PPP2R1A: variants seen among roughly 807,000 people sequenced by gnomAD.
PPP2R1A encodes serine/threonine-protein phosphatase 2A 65 kDa regulatory subunit A alpha isoform.
Under a neutral mutation model 67.1 loss-of-function variants are expected in PPP2R1A, and 15 were observed. The observed-to-expected ratio is 0.22, with a 90% CI of 0.15 to 0.34. The LOEUF is 0.34. Among genes scored for constraint, PPP2R1A ranks in the 10% least tolerant of loss-of-function variants. The pLI is 1.00. For missense variants in PPP2R1A, 369 were observed against 775.0 expected (o/e 0.48, Z 6.22); for synonymous variants, 337 against 325.0 (o/e 1.04, Z -0.40).
intron 1 of PPP2R1A, among the ~76,000 whole-genome samples, chr19:52,194,763 GATA>G (rs1396801815): frequency 6.6e-6 from 1 of 152,148 alleles, no homozygotes; most frequent in Non-Finnish European, 1.5e-5. Flanking sequence ...GCAAAATGGG[GATA>G]ATGATGAAGA....
chr19:52,226,559 C>G lies in PPP2R1A; in HGVS notation c.*578C>G. 5.0e-6 allele frequency: 1 copy of G among 199,542 alleles called. No homozygotes were observed. Among genetic ancestry groups the G allele is most frequent in the Non-Finnish European group, 1.0e-5 (1 of 96,782 alleles). 12.4% of individuals were successfully genotyped at this position (199,542 alleles called of 1,614,324 possible). On this transcript the variant is annotated 3_prime_UTR_variant, in exon 15 of 15. Coordinates refer to ENST00000322088, the MANE Select transcript of PPP2R1A (RefSeq NM_014225.6). ...CCCGAAAGAATACTCTGGGGATCCC[C>G]CCAGGAGTGCTGCTGGCCTTTGGGG... is the stretch of plus-strand genomic sequence containing the variant.
intron 13 of PPP2R1A, among the ~76,000 whole-genome samples, chr19:52,223,819 T>C (rs749865100): frequency 2.0e-5 from 3 of 152,164 alleles, no homozygotes; most frequent in African/African-American, 2.4e-5. Context: ...GAGTGGAATT[T>C]GGTGAAGCTT....
chr19:52,218,645 T>C (rs1056544865), intron 9 of PPP2R1A, among the ~76,000 whole-genome samples: 1 of 152,216 alleles, frequency 6.6e-6, no homozygotes, highest in Non-Finnish European at 1.5e-5. Flanking sequence ...TTTGATGCTT[T>C]AATGGGCATA....
In PPP2R1A at chr19:52,213,488, A is replaced by T. The variant is rs75257879; in HGVS notation, c.807+378A>T. ...TTTTTTTTTTTTTTTTTTTTTTTTT[A>T]AGATGGAGTCTGTCGCCCAGGCTAG... On this transcript the variant is annotated intron_variant, in intron 6 of 14. Coordinates refer to ENST00000322088, the MANE Select transcript of PPP2R1A (RefSeq NM_014225.6). This position sits in a 1 kb window ranked among gnomAD's most constrained non-coding sequence, Gnocchi z 4.2. 0.015 allele frequency among the ~76,000 whole-genome samples: 366 copies of T among 25,004 alleles called. 9 individuals are homozygous for T. Among genetic ancestry groups the T allele is most frequent in the Middle Eastern group, 0.048 (2 of 42 alleles). The allele number at this position is 25,004 out of a possible 152,430, so 16.4% of individuals were successfully genotyped here.
intron 13 of PPP2R1A, 114 bp downstream of exon 13, chr19:52,222,355 T>C (rs1417071902): frequency 2.8e-6 from 4 of 1,412,364 alleles, no homozygotes; most frequent in African/African-American, 1.4e-5. Context: ...CCTTGCTTGC[T>C]GTGTGACCTT....
chr19:52,195,193 G>A (rs987592549), intron 1 of PPP2R1A, among the ~76,000 whole-genome samples: 1 of 152,150 alleles, frequency 6.6e-6, no homozygotes, highest in African/African-American at 2.4e-5. Flanking sequence ...GGTGCATATA[G>A]TGGGAAGGCG....
chr19:52,197,994 C>A (rs1471643994), intron 1 of PPP2R1A, among the ~76,000 whole-genome samples: 1 of 152,232 alleles, frequency 6.6e-6, no homozygotes, highest in Non-Finnish European at 1.5e-5. Context: ...CGATGTCCTT[C>A]TTAATAATCT....
At chr19:52,191,302 C>T (rs1339175977) in intron 1 of PPP2R1A, 1 of 152,276 alleles carries the variant, frequency 6.6e-6, no homozygotes, top group African/African-American at 2.4e-5. Context: ...CTTTGGGTCT[C>T]TGTGTTCCAT....
At chr19:52,190,701 C>G (rs181457337) in intron 1 of PPP2R1A, among the ~76,000 whole-genome samples, 142 of 152,250 alleles carry the variant, frequency 9.3e-4, no homozygotes, top group African/African-American at 3.2e-3. Context: ...GTTTAGGTGT[C>G]CTAAGAGGAC....
At chr19:52,194,563 G>C (rs1425842724) in intron 1 of PPP2R1A, among the ~76,000 whole-genome samples, 1 of 152,124 alleles carries the variant, frequency 6.6e-6, no homozygotes, top group African/African-American at 2.4e-5. Flanking sequence ...CCCAGGACCA[G>C]TGTTAGCATG....
intron 3 of PPP2R1A, among the ~76,000 whole-genome samples, chr19:52,208,503 T>C (rs910686976): frequency 1.3e-5 from 2 of 151,462 alleles, no homozygotes; most frequent in Non-Finnish European, 1.5e-5. Context: ...GCTCTTTTTA[T>C]TTTTATTTTT....
chr19:52,217,930 A>G (rs1978682186), intron 9 of PPP2R1A, among the ~76,000 whole-genome samples: 1 of 152,060 alleles, frequency 6.6e-6, no homozygotes, highest in African/African-American at 2.4e-5. Context: ...AGGCACCCTG[A>G]GGCTTATGTG....
chr19:52,193,287 A>G (rs898729812), intron 1 of PPP2R1A, among the ~76,000 whole-genome samples: 1 of 152,260 alleles, frequency 6.6e-6, no homozygotes, highest in African/African-American at 2.4e-5. Context: ...TTCATATGCC[A>G]GACATTTTAA....
rs1979206961 is a variant in PPP2R1A at position 52,225,629 on chromosome 19, A to C, written c.1662-88A>C. ...GTTTGGTGTATCCGTGTCTGTGTACACTCTCTTGCCCAAGAGCCCTGTGCC... is the reference window on the plus strand; with the variant it reads ...GTTTGGTGTATCCGTGTCTGTGTACCCTCTCTTGCCCAAGAGCCCTGTGCC... On this transcript the variant is annotated intron_variant, in intron 13 of 14. Transcript: ENST00000322088. 6 of 1,205,522 alleles carry C rather than the reference A, an allele frequency of 5.0e-6. No individual in the cohort carries two copies. The Admixed American group carries it at 1.1e-4, about 21-fold the overall frequency. The allele number at this position is 1,205,522 out of a possible 1,614,324, so 74.7% of individuals were successfully genotyped here. A position where few individuals can be genotyped will look rare whatever the true frequency, so the allele number is the denominator to read the frequency against.
chr19:52,220,215 T>A lies in PPP2R1A; in HGVS notation c.1329T>A (p.Leu443=). ...GAGTGGAGTTCTTTGATGAGAAACT[T>A]AACTCCTTGTGCATGGCCTGGCTTG... ...QLGVEFFDEK[L]NSLCMAWLVD... The change falls in exon 11 of 15, where the codon CTT becomes CTA. Residue 443 remains leucine (L), a synonymous_variant. Coordinates refer to ENST00000322088, the MANE Select transcript of PPP2R1A (RefSeq NM_014225.6). The A allele has an allele frequency of 6.2e-7, 1 of 1,614,050 alleles. No homozygotes were observed.
intron 1 of PPP2R1A, chr19:52,191,257 AC>A (rs2089452194): frequency 6.6e-6 from 1 of 152,120 alleles, no homozygotes; most frequent in African/African-American, 2.4e-5. Context: ...TCCACCTCCC[AC>A]CTGCTGTGTG....
In PPP2R1A at chr19:52,219,671, T is replaced by A; in HGVS notation, c.1129-20T>A. 6.3e-7 allele frequency: 1 copy of A among 1,597,772 alleles called. No individual in the cohort carries two copies. Among genetic ancestry groups the A allele is most frequent in the South Asian group, 1.1e-5 (1 of 89,862 alleles). The stretch of plus-strand genomic sequence containing the variant: ...CTGTGTGCATTGCATTCTCTCAGAA[T>A]CCTTCTTTCCTCTCCTCAGTGCCCT... On this transcript the variant is annotated intron_variant, in intron 9 of 14. Coordinates refer to ENST00000322088, the MANE Select transcript of PPP2R1A (RefSeq NM_014225.6). The surrounding 1 kb of genome is among the most constrained non-coding windows in gnomAD (Gnocchi z 4.0).
At chr19:52,207,349 G>A (rs1014689597) in intron 3 of PPP2R1A, among the ~76,000 whole-genome samples, 1 of 152,172 alleles carries the variant, frequency 6.6e-6, no homozygotes, top group African/African-American at 2.4e-5. Context: ...AGGAGCAGAA[G>A]ACATTATTTT....
intron 1 of PPP2R1A, 127 bp downstream of exon 1, chr19:52,190,301 C>A: frequency 9.0e-7 from 1 of 1,113,278 alleles, no homozygotes; most frequent in Non-Finnish European, 1.3e-6. Flanking sequence ...CAGCGTGCGT[C>A]TCTTATCTCC....
Sources: allele counts gnomAD v4.1 joint callset (sites outside exome capture counted in the v4.1 genomes callset), GRCh38; gene constraint gnomAD v4.1.1; non-coding constraint Gnocchi (gnomAD v3.1); transcripts MANE v1.5; gene names NCBI Gene and HGNC (gene_info 2026-07-23, HGNC 2026-07-21).